DSC3: variants seen among roughly 807,000 people sequenced by gnomAD.
DSC3 encodes the protein desmocollin 3.
Under a neutral mutation model 89.5 loss-of-function variants are expected in DSC3, and 97 were observed. The observed-to-expected ratio is 1.08, with a 90% CI of 0.92 to 1.28. The LOEUF is 1.28. DSC3 is among the 50% of genes most tolerant of loss of function. The pLI is 0.00. For synonymous variants in DSC3, 436 were observed against 384.1 expected, an observed-to-expected ratio of 1.14 and a Z score of -1.58; for missense variants, 1,199 against 1,085.3, an observed-to-expected ratio of 1.10 and a Z score of -1.47.
rs547768487 is a variant in DSC3, at chr18:31,041,766, G to A, written c.69+826C>T. ...TCCTCTCCTAGAGGATTTCGTCCTG[G>A]GCGGCAGGTTTCCGTAGACTCGAAA... On this transcript the variant is annotated intron_variant, in intron 1 of 15. Coordinates refer to ENST00000360428, the MANE Select transcript of DSC3 (RefSeq NM_001941.5). 1.5e-3 allele frequency among the ~76,000 whole-genome samples: 224 copies of A among 152,204 alleles called. 2 individuals are homozygous for A. Among genetic ancestry groups the A allele is most frequent in the Non-Finnish European group, 1.1e-3 (74 of 68,004 alleles).
Position 31,030,996 on chromosome 18 carries a change from C to G in DSC3, c.331G>C (p.Val111Leu). ...KRKQTQKEVT[V>L]LLEHQKKVSK... ...ACCTTCTTCTGATGTTCTAGCAGCACAGTAACCTCTTTCTGTGTCTGTTTC... is the reference window on the plus strand; with the variant it reads ...ACCTTCTTCTGATGTTCTAGCAGCAGAGTAACCTCTTTCTGTGTCTGTTTC... Residue 111 changes from valine to leucine, a missense_variant, in exon 3 of 16, where the codon GTG becomes CTG. Physicochemically the swap from Val to Leu is conservative, Grantham distance 32. Coordinates refer to ENST00000360428, the MANE Select transcript of DSC3 (RefSeq NM_001941.5). 1 of 1,613,934 alleles carries G rather than the reference C, an allele frequency of 6.2e-7. No homozygotes were observed.
chr18:31,009,702 T>C (rs991859648), intron 9 of DSC3, among the ~76,000 whole-genome samples: 2 of 152,174 alleles, frequency 1.3e-5, no homozygotes, highest in African/African-American at 4.8e-5. Context: ...ACTCACTAAA[T>C]CCTCATGACA....
chr18:31,003,590 G>A (rs1984738217), intron 13 of DSC3, among the ~76,000 whole-genome samples: 1 of 152,280 alleles, frequency 6.6e-6, no homozygotes, highest in South Asian at 2.1e-4. Context: ...TGGCTTACAA[G>A]CAATGAAGTT....
intron 15 of DSC3, among the ~76,000 whole-genome samples, chr18:30,995,623 T>C (rs1201901511): frequency 2.0e-5 from 3 of 152,098 alleles, no homozygotes; most frequent in Non-Finnish European, 4.4e-5. Context: ...CCCAAATTCA[T>C]TAAATTAGAA....
chr18:31,008,647 T>TA, intron 9 of DSC3, 122 bp from the exon 10 acceptor site: 1 of 1,301,936 alleles, frequency 7.7e-7, no homozygotes, highest in South Asian at 1.2e-5. Flanking sequence ...ATGTTGTTAA[T>TA]ACTGACTTTT....
chr18:31,008,352 C>G lies in DSC3; in HGVS notation c.1437G>C (p.Arg479=), dbSNP rs1239544790. 2 of 1,614,088 alleles carry G rather than the reference C, an allele frequency of 1.2e-6. No homozygotes were observed. Among genetic ancestry groups the G allele is most frequent in the South Asian group, 2.2e-5 (2 of 91,084 alleles). Residue 479 remains arginine (R), a synonymous_variant, in exon 10 of 16, where the codon CGG becomes CGC. Transcript: ENST00000360428. ...ACCCCACTGCTAAGTTTTCTTTAATCCGCACATATTGGGCTGCAGGAGTGC... is the reference window on the plus strand; with the variant it reads ...ACCCCACTGCTAAGTTTTCTTTAATGCGCACATATTGGGCTGCAGGAGTGC... ...PECTPAAQYV[R]IKENLAVGSK...
rs1337620118 is a variant in DSC3 at position 31,001,606 on chromosome 18, A to T, written c.2235+12T>A. ...GGAGATACAAATACATATTTATTTA[A>T]AAATTACTTACCACTCTATCGTCTC... is the stretch of plus-strand genomic sequence containing the variant. On this transcript the variant is annotated intron_variant, in intron 14 of 15. Coordinates refer to ENST00000360428, the MANE Select transcript of DSC3 (RefSeq NM_001941.5). The T allele has an allele frequency of 6.2e-7, 1 of 1,608,428 alleles. No homozygotes were observed. Among genetic ancestry groups the T allele is most frequent in the Non-Finnish European group, 8.5e-7 (1 of 1,176,668 alleles).
At chr18:31,011,790 C>T (rs893709843) in intron 9 of DSC3, among the ~76,000 whole-genome samples, 4 of 151,690 alleles carry the variant, frequency 2.6e-5, no homozygotes, top group South Asian at 2.1e-4. Flanking sequence ...CTCAGGAGTT[C>T]GAGACCAGCC....
intron 12 of DSC3, among the ~76,000 whole-genome samples, chr18:31,004,910 A>G (rs1984788080): frequency 6.6e-6 from 1 of 152,204 alleles, no homozygotes; most frequent in African/African-American, 2.4e-5. Context: ...AGAAATATCT[A>G]TATAACAATT....
intron 9 of DSC3, among the ~76,000 whole-genome samples, chr18:31,013,004 C>A (rs1985121514): frequency 6.6e-6 from 1 of 151,936 alleles, no homozygotes; most frequent in Non-Finnish European, 1.5e-5. Context: ...CATGGAAGAA[C>A]AAACAAGGAA....
At chr18:31,022,614 T>A in intron 6 of DSC3, 112 bp from the exon 7 acceptor site, 1 of 1,253,026 alleles carries the variant, frequency 8.0e-7, no homozygotes, top group South Asian at 1.3e-5. Context: ...TAATCTAAAA[T>A]GTATTTATTA....
chr18:31,029,662 C>T (rs749490943), intron 3 of DSC3, 34 bp from the exon 4 acceptor site: 1 of 1,612,684 alleles, frequency 6.2e-7, no homozygotes, highest in South Asian at 1.1e-5. Context: ...CATGAATAAA[C>T]AAAAGCATCA....
chr18:31,009,984 A>C (rs980436511), intron 9 of DSC3, among the ~76,000 whole-genome samples: 1 of 152,200 alleles, frequency 6.6e-6, no homozygotes, highest in African/African-American at 2.4e-5. Flanking sequence ...AACCCATAAA[A>C]CATTATGTTA....
intron 6 of DSC3, among the ~76,000 whole-genome samples, chr18:31,023,910 TAGG>T (rs1264061264): frequency 6.6e-6 from 1 of 151,972 alleles, no homozygotes; most frequent in African/African-American, 2.4e-5. Context: ...ATAATATAAA[TAGG>T]AGCATAAAAA....
chr18:31,002,438 C>T (rs140744801), intron 13 of DSC3, among the ~76,000 whole-genome samples: 3,495 of 152,146 alleles, frequency 0.023, 145 homozygotes, highest in African/African-American at 0.08. Context: ...CAGTGGCTCA[C>T]GCCTGTAATC....
At position 31,011,928 on chromosome 18, in the gene DSC3, AAAG is replaced by A. The variant is rs1432172469; in HGVS notation, c.1264-3406_1264-3404del. ...GAATTGCGACAGCAAATTCCAAAAA[AAAG>A]AAAAAAAAAAAAAAAGTACTTAAAA... On this transcript the variant is annotated intron_variant, in intron 9 of 15. Transcript: ENST00000360428. Among the ~76,000 whole-genome samples, 11 of 137,198 alleles carry A rather than the reference AAAG, an allele frequency of 8.0e-5. No individual in the cohort carries two copies. The East Asian group carries it at 1.1e-3, about 14-fold the overall frequency. The allele number at this position is 137,198 out of a possible 152,430, so 90.0% of individuals were successfully genotyped here. A position where few individuals can be genotyped will look rare whatever the true frequency, so the allele number is the denominator to read the frequency against.
At chr18:31,025,066 G>T (rs1026416066) in intron 5 of DSC3, among the ~76,000 whole-genome samples, 1 of 152,106 alleles carries the variant, frequency 6.6e-6, no homozygotes, top group Non-Finnish European at 1.5e-5. Context: ...CAAATGCAAA[G>T]CATGTCACAT....
At chr18:31,042,262 C>A (rs904363617) in intron 1 of DSC3, among the ~76,000 whole-genome samples, 3 of 152,222 alleles carry the variant, frequency 2.0e-5, no homozygotes, top group Non-Finnish European at 2.9e-5. Context: ...ACCACCAGCT[C>A]CACCACCTGG....
intron 1 of DSC3, among the ~76,000 whole-genome samples, chr18:31,037,478 T>C (rs1986007265): frequency 6.6e-6 from 1 of 152,230 alleles, no homozygotes; most frequent in South Asian, 2.1e-4. Context: ...GTACTGACCA[T>C]TATGGATTTG....
Sources: gnomAD v4.1 joint callset for allele counts (sites outside exome capture counted in the v4.1 genomes callset) on GRCh38, gnomAD v4.1.1 for gene constraint, MANE v1.5 for transcripts, NCBI Gene and HGNC (gene_info 2026-07-23, HGNC 2026-07-21) for gene names.